Variants in RAPGEF5 observed in about 807,000 individuals in gnomAD.
RAPGEF5 encodes M-Ras-regulated GEF.
RAPGEF5 carries 65 observed loss-of-function variants against 125.2 expected under a neutral mutation model. That is an observed-to-expected ratio of 0.52 (90% CI 0.43 to 0.64). The LOEUF is 0.64. Among genes scored for constraint, RAPGEF5 ranks in the 30% least tolerant of loss-of-function variants. The probability of loss-of-function intolerance (pLI) is 0.00; values close to 1 mark genes in which losing one functional copy is unlikely to be tolerated. For missense variants in RAPGEF5, 958 were observed against 1,048.1 expected, an observed-to-expected ratio of 0.91 and a Z score of 1.19; for synonymous variants, 391 against 385.9, an observed-to-expected ratio of 1.01 and a Z score of -0.16.
At chr7:22,315,570 TA>T (rs1783572545) in intron 2 of RAPGEF5, 94 bp from the exon 3 acceptor site, 1 of 631,816 alleles carries the variant, frequency 1.6e-6, no homozygotes, top group African/African-American at 2.0e-5. Context: ...TATATATATT[TA>T]TATATATTCA....
intron 11 of RAPGEF5, among the ~76,000 whole-genome samples, chr7:22,170,733 T>A (rs1784322900): frequency 6.6e-6 from 1 of 152,192 alleles, no homozygotes; most frequent in African/African-American, 2.4e-5. Flanking sequence ...TGACAATATT[T>A]TGTTAAGGGC....
intron 11 of RAPGEF5, chr7:22,191,777 A>G: frequency 2.4e-6 from 1 of 412,074 alleles, no homozygotes; most frequent in Non-Finnish European, 5.1e-6. Flanking sequence ...GGAACCTGTG[A>G]GCACCTGAGC....
chr7:22,196,422 T>G (rs1156381017), intron 9 of RAPGEF5, among the ~76,000 whole-genome samples: 1 of 152,216 alleles, frequency 6.6e-6, no homozygotes, highest in African/African-American at 2.4e-5. Context: ...GACAAATAGT[T>G]CATGAAATGC....
Position 22,289,813 on chromosome 7 carries a change from T to A in RAPGEF5, c.747+1362A>T, listed in dbSNP as rs115918481. Among the ~76,000 whole-genome samples the A allele has an allele frequency of 3.9e-5, 6 of 152,252 alleles. 1 individual carries two copies. The South Asian group carries it at 1.0e-3, about 26-fold the overall frequency. On this transcript the variant is annotated intron_variant, in intron 6 of 25. Transcript: ENST00000665637. ...ATCACGGGGGCAGTTTCCCATGCTG[T>A]TCTAATGATAGTGAGTGAGTTCTCA...
intron 12 of RAPGEF5, among the ~76,000 whole-genome samples, chr7:22,163,800 T>C (rs1013797440): frequency 3.3e-5 from 5 of 152,314 alleles, no homozygotes; most frequent in Admixed American, 2.0e-4. Flanking sequence ...CATCAAACAC[T>C]TGAGGGTTGT....
At chr7:22,222,118 T>G (rs1356690614) in intron 8 of RAPGEF5, among the ~76,000 whole-genome samples, 1 of 152,056 alleles carries the variant, frequency 6.6e-6, no homozygotes, top group African/African-American at 2.4e-5. Flanking sequence ...CGTGGTGGTG[T>G]GCACTGTAAT....
At chr7:22,132,807 TA>T (rs1201627011) in intron 23 of RAPGEF5, among the ~76,000 whole-genome samples, 2 of 152,214 alleles carry the variant, frequency 1.3e-5, no homozygotes, top group African/African-American at 4.8e-5. Flanking sequence ...GACATGGCTC[TA>T]AAGAGCTTTA....
chr7:22,157,880 A>G lies in RAPGEF5; in HGVS notation c.1532T>C (p.Val511Ala), dbSNP rs776916179. ...CTTTTTTTGTGGTGAATATTCATCT[A>G]CAGTGCTGAAAGGAAAAATGGCAAG... Reference protein sequence around the residue: ...KILGMHRRHTVDEYSPQKKNK... With the variant: ...KILGMHRRHTADEYSPQKKNK... Residue 511 changes from valine to alanine, a missense_variant, in exon 15 of 26, where the codon GTA becomes GCA. Coordinates refer to ENST00000665637, the MANE Select transcript of RAPGEF5 (RefSeq NM_012294.5). 68 of 1,611,826 alleles carry G rather than the reference A, an allele frequency of 4.2e-5. No homozygotes were observed. Among genetic ancestry groups the G allele is most frequent in the Non-Finnish European group, 5.7e-5 (67 of 1,178,064 alleles).
intron 7 of RAPGEF5, among the ~76,000 whole-genome samples, chr7:22,255,520 G>A (rs750855351): frequency 6.6e-6 from 1 of 152,158 alleles, no homozygotes; most frequent in Non-Finnish European, 1.5e-5. Flanking sequence ...CTGACTCTGG[G>A]AGGTAGATTG....
chr7:22,296,954 G>A (rs749851823), intron 5 of RAPGEF5, among the ~76,000 whole-genome samples: 3 of 152,182 alleles, frequency 2.0e-5, no homozygotes, highest in Non-Finnish European at 4.4e-5. Context: ...TTGGCATTTG[G>A]CAACATGGAA....
At chr7:22,292,641 A>G (rs902746941) in intron 5 of RAPGEF5, among the ~76,000 whole-genome samples, 1 of 152,220 alleles carries the variant, frequency 6.6e-6, no homozygotes, top group African/African-American at 2.4e-5. Context: ...AACGCTTTAT[A>G]ACCTCAACCA....
At chr7:22,294,644 T>G (rs562056027) in intron 5 of RAPGEF5, among the ~76,000 whole-genome samples, 3 of 152,312 alleles carry the variant, frequency 2.0e-5, no homozygotes, top group Non-Finnish European at 4.4e-5. Flanking sequence ...CAACTGGAAG[T>G]CATTCTTGAA....
chr7:22,259,850 G>C (rs1183475510), intron 7 of RAPGEF5, among the ~76,000 whole-genome samples: 1 of 152,180 alleles, frequency 6.6e-6, no homozygotes, highest in African/African-American at 2.4e-5. Flanking sequence ...CACCCACCTT[G>C]GCCTCCCAAA....
At chr7:22,223,506 G>A (rs938443953) in intron 8 of RAPGEF5, among the ~76,000 whole-genome samples, 1 of 152,118 alleles carries the variant, frequency 6.6e-6, no homozygotes, top group Non-Finnish European at 1.5e-5. Flanking sequence ...AGAGAGTTTC[G>A]CTTGCTTATT....
intron 1 of RAPGEF5, among the ~76,000 whole-genome samples, chr7:22,325,137 G>C (rs1303624576): frequency 1.3e-5 from 2 of 152,144 alleles, no homozygotes; most frequent in Admixed American, 6.5e-5. Flanking sequence ...CAAGCCCTGA[G>C]CCTCCCATGA....
chr7:22,260,389 A>G (rs1782120727), intron 7 of RAPGEF5, among the ~76,000 whole-genome samples: 1 of 152,176 alleles, frequency 6.6e-6, no homozygotes, highest in African/African-American at 2.4e-5. Flanking sequence ...GGCAGGAGGT[A>G]TAAAGCAACT....
rs185855126 is a variant in RAPGEF5 at position 22,209,930 on chromosome 7, G to A, written c.996+9936C>T. Among the ~76,000 whole-genome samples, 9 of 152,336 alleles carry A rather than the reference G, an allele frequency of 5.9e-5. No homozygotes were observed. The East Asian group carries it at 1.7e-3, about 29-fold the overall frequency. Reference sequence around the variant, plus strand: ...GGCTAAAAGGTATTTACTTTTGCTAGAAGATATTATCAATGGAAATGTTTT... The same window carrying A: ...GGCTAAAAGGTATTTACTTTTGCTAAAAGATATTATCAATGGAAATGTTTT... On this transcript the variant is annotated intron_variant, in intron 9 of 25. Coordinates refer to ENST00000665637, the MANE Select transcript of RAPGEF5 (RefSeq NM_012294.5).
At chr7:22,191,584 C>T (rs1218445848) in intron 11 of RAPGEF5, 15 of 470,972 alleles carry the variant, frequency 3.2e-5, no homozygotes, top group East Asian at 6.9e-5. Context: ...AGTCCTGGTC[C>T]GCTTGGCTTT....
chr7:22,315,321 T>TG, intron 3 of RAPGEF5, 49 bp downstream of exon 3: 1 of 1,521,006 alleles, frequency 6.6e-7, no homozygotes, highest in Non-Finnish European at 8.8e-7. Context: ...CAGGGTGGTT[T>TG]TTTTTCCTCA....
Sources: gnomAD v4.1 joint callset for allele counts (sites outside exome capture counted in the v4.1 genomes callset) on GRCh38, gnomAD v4.1.1 for gene constraint, MANE v1.5 for transcripts, NCBI Gene and HGNC (gene_info 2026-07-23, HGNC 2026-07-21) for gene names.